FNDC3B: variants seen among roughly 807,000 people sequenced by gnomAD.
The protein encoded by FNDC3B is fibronectin type III domain containing 3B, also known as fibronectin type III domain-containing protein 3B.
A neutral mutation model predicts 151.5 loss-of-function variants in FNDC3B; 12 were observed. That is an observed-to-expected ratio of 0.08 (90% confidence interval 0.05 to 0.13). The LOEUF is 0.13. Among genes scored for constraint, FNDC3B ranks in the 10% least tolerant of loss-of-function variants. The probability of loss-of-function intolerance (pLI) is 1.00; values close to 1 mark genes in which losing one functional copy is unlikely to be tolerated. For missense variants in FNDC3B, 1,214 were observed against 1,505.3 expected (o/e 0.81, Z 3.20); for synonymous variants, 528 against 549.0 (o/e 0.96, Z 0.54).
At chr3:172,270,647 A>T (rs1463881424) in intron 6 of FNDC3B, among the ~76,000 whole-genome samples, 1 of 151,752 alleles carries the variant, frequency 6.6e-6, no homozygotes, top group East Asian at 1.9e-4. Flanking sequence ...CCACTAGCTG[A>T]CTCTATTGTG....
chr3:172,398,174 A>G lies in FNDC3B; in HGVS notation c.*699A>G, dbSNP rs549287101. On this transcript the variant is annotated 3_prime_UTR_variant, in exon 26 of 26. Coordinates refer to ENST00000415807, the MANE Select transcript of FNDC3B (RefSeq NM_022763.4). ...TATGGAGCATTGTAGATTTTACCACATCAATTCATAGCAGTAACTTTAAGA... is the reference window on the plus strand; with the variant it reads ...TATGGAGCATTGTAGATTTTACCACGTCAATTCATAGCAGTAACTTTAAGA... 1 of 152,782 alleles carries G rather than the reference A, an allele frequency of 6.5e-6. No individual in the cohort carries two copies. Among genetic ancestry groups the G allele is most frequent in the South Asian group, 2.1e-4 (1 of 4,834 alleles). The allele number at this position is 152,782 out of a possible 1,614,324, so 9.5% of individuals were successfully genotyped here. A position where few individuals can be genotyped will look rare whatever the true frequency, so the allele number is the denominator to read the frequency against.
At chr3:172,118,538 G>C (rs924176945) in intron 2 of FNDC3B, among the ~76,000 whole-genome samples, 3 of 152,208 alleles carry the variant, frequency 2.0e-5, no homozygotes, top group Non-Finnish European at 2.9e-5. Flanking sequence ...ATGAGAATGG[G>C]AGTGACAGTT....
chr3:172,328,905 G>GTTTTT, intron 11 of FNDC3B, 47 bp from the exon 12 acceptor site: 9 of 1,106,796 alleles, frequency 8.1e-6, no homozygotes, highest in South Asian at 3.4e-5. Context: ...GTTATCTGTT[G>GTTTTT]TTTTTTTTTT....
intron 1 of FNDC3B, among the ~76,000 whole-genome samples, chr3:172,077,703 T>C (rs1343809226): frequency 1.3e-5 from 2 of 151,920 alleles, no homozygotes; most frequent in African/African-American, 4.8e-5. Context: ...AGGCTCCCGT[T>C]TATAGAAATA....
chr3:172,104,605 T>A (rs1434497942), intron 1 of FNDC3B, among the ~76,000 whole-genome samples: 1 of 152,224 alleles, frequency 6.6e-6, no homozygotes. Flanking sequence ...TCCTGTCCAA[T>A]GGCAGTGTCC....
intron 8 of FNDC3B, among the ~76,000 whole-genome samples, chr3:172,295,774 C>T (rs1165491217): frequency 6.6e-6 from 1 of 152,122 alleles, no homozygotes; most frequent in Admixed American, 6.5e-5. Flanking sequence ...TTAATGAAAA[C>T]TTTCTGTTAA....
At chr3:172,288,708 T>A (rs1730152016) in intron 7 of FNDC3B, among the ~76,000 whole-genome samples, 1 of 152,236 alleles carries the variant, frequency 6.6e-6, no homozygotes, top group Non-Finnish European at 1.5e-5. Context: ...ATGCCCTTTT[T>A]AACAGTGAGG....
intron 3 of FNDC3B, among the ~76,000 whole-genome samples, chr3:172,192,162 T>C (rs1724545431): frequency 7.3e-6 from 1 of 136,960 alleles, no homozygotes; most frequent in African/African-American, 2.8e-5. Flanking sequence ...CTGTTTTTTT[T>C]GTGTGTGTTT....
chr3:172,380,464 G>A (rs1297676312), intron 24 of FNDC3B, among the ~76,000 whole-genome samples: 1 of 152,094 alleles, frequency 6.6e-6, no homozygotes, highest in Non-Finnish European at 1.5e-5. Context: ...ACTTTCCTTA[G>A]ACCCTCACCC....
Position 172,112,477 on chromosome 3 carries a change from T to C in FNDC3B, c.-3T>C, listed in dbSNP as rs760212539. On this transcript the variant is annotated 5_prime_UTR_variant, in exon 2 of 26. The change abolishes an upstream ATG in the 5' untranslated region. Transcript: ENST00000415807. ...GAAGCCAGTTGAGGGAAGTTCTCCA[T>C]GAATGTACGTCACAATGATGATGAC... 1.9e-6 allele frequency: 3 copies of C among 1,610,554 alleles called. No individual in the cohort carries two copies. In the South Asian group the frequency reaches 3.3e-5, roughly 18 times the overall value.
chr3:172,394,828 T>C (rs1004467808), intron 25 of FNDC3B, among the ~76,000 whole-genome samples: 1 of 152,154 alleles, frequency 6.6e-6, no homozygotes, highest in Non-Finnish European at 1.5e-5. Flanking sequence ...TGAACATAGA[T>C]GTAAAAATCC....
intron 1 of FNDC3B, among the ~76,000 whole-genome samples, chr3:172,099,954 G>C (rs1241728276): frequency 6.6e-6 from 1 of 152,028 alleles, no homozygotes; most frequent in South Asian, 2.1e-4. Flanking sequence ...CCCTCTTGGG[G>C]GTTCATGACA....
intron 9 of FNDC3B, among the ~76,000 whole-genome samples, chr3:172,300,847 T>C (rs1290832087): frequency 6.6e-6 from 1 of 152,206 alleles, no homozygotes; most frequent in Non-Finnish European, 1.5e-5. Context: ...ACGTCTATAG[T>C]CCAGATTTAG....
intron 14 of FNDC3B, among the ~76,000 whole-genome samples, chr3:172,333,706 T>C (rs911958229): frequency 1.3e-5 from 2 of 152,060 alleles, no homozygotes; most frequent in African/African-American, 4.8e-5. Context: ...TGTAATAAAT[T>C]GCATTTACAG....
intron 2 of FNDC3B, among the ~76,000 whole-genome samples, chr3:172,118,842 C>T (rs1394989130): frequency 6.6e-6 from 1 of 152,176 alleles, no homozygotes; most frequent in African/African-American, 2.4e-5. Flanking sequence ...AAGATACCGT[C>T]AGCCTCTCTC....
At chr3:172,146,418 T>C (rs113864544) in intron 3 of FNDC3B, among the ~76,000 whole-genome samples, 155 of 152,316 alleles carry the variant, frequency 1.0e-3, no homozygotes, top group African/African-American at 3.6e-3. Flanking sequence ...AAAGTTGATA[T>C]GTAGGCTAGT....
chr3:172,042,915 A>G (rs1716161775), intron 1 of FNDC3B, among the ~76,000 whole-genome samples: 1 of 150,956 alleles, frequency 6.6e-6, no homozygotes, highest in African/African-American at 2.4e-5. Context: ...GCTCACTGCA[A>G]CCTCCGCCTT....
chr3:172,392,566 C>T (rs1736062927), intron 25 of FNDC3B, among the ~76,000 whole-genome samples: 1 of 151,858 alleles, frequency 6.6e-6, no homozygotes, highest in Admixed American at 6.6e-5. Flanking sequence ...AATTCATGTC[C>T]AGTGCACTTG....
At chr3:172,375,583 TA>T (rs939721345) in intron 23 of FNDC3B, among the ~76,000 whole-genome samples, 25 of 152,124 alleles carry the variant, frequency 1.6e-4, no homozygotes, top group African/African-American at 5.3e-4. Context: ...GAGAACAAAA[TA>T]AAAGAGCTCT....
Sources: allele counts gnomAD v4.1 joint callset (sites outside exome capture counted in the v4.1 genomes callset), GRCh38; gene constraint gnomAD v4.1.1; transcripts MANE v1.5; gene names NCBI Gene and HGNC (gene_info 2026-07-23, HGNC 2026-07-21).